PARVB: variants seen among roughly 807,000 people sequenced by gnomAD.
PARVB encodes the protein parvin beta.
A neutral mutation model predicts 47.0 loss-of-function variants in PARVB; 46 were observed. The observed-to-expected ratio is 0.98, with a 90% CI of 0.77 to 1.25. The LOEUF is 1.25. Ranked by LOEUF, PARVB falls within the 50% of genes most tolerant of loss-of-function variation. The probability of loss-of-function intolerance (pLI) is 0.00; values close to 1 mark genes in which losing one functional copy is unlikely to be tolerated. For synonymous variants in PARVB, 196 were observed against 196.3 expected (o/e 1.00, Z 0.01); for missense variants, 473 against 471.6 (o/e 1.00, Z -0.03).
At chr22:44,066,780 T>TCTTCTCCTCCTCCTCCTCCTTCTCCTC (rs752513022) in intron 1 of PARVB, among the ~76,000 whole-genome samples, 2 of 48,080 alleles carry the variant, frequency 4.2e-5, no homozygotes, top group Admixed American at 2.2e-4. Context: ...CTTAATTATT[T>TCTTCTCCTCCTCCTCCTCCTTCTCCTC]CTCCTCCTCC....
chr22:44,137,083 A>G (rs1260381037), intron 7 of PARVB, among the ~76,000 whole-genome samples: 1 of 152,264 alleles, frequency 6.6e-6, no homozygotes, highest in Non-Finnish European at 1.5e-5. Flanking sequence ...AATTCACTGC[A>G]TTTGTGCCTC....
chr22:44,137,600 C>T (rs898143652), intron 7 of PARVB, among the ~76,000 whole-genome samples: 55 of 152,152 alleles, frequency 3.6e-4, no homozygotes, highest in African/African-American at 1.2e-3. Flanking sequence ...CTCAGCTGGG[C>T]GGTTGTTCAG....
chr22:44,091,295 T>TTTTTG (rs1555901702), intron 1 of PARVB, among the ~76,000 whole-genome samples: 2 of 141,794 alleles, frequency 1.4e-5, no homozygotes, highest in Admixed American at 7.0e-5. Context: ...TTTTTTTTTT[T>TTTTTG]GCTATTTAAA....
intron 2 of PARVB, among the ~76,000 whole-genome samples, chr22:44,008,787 C>A (rs2050493357): frequency 6.6e-6 from 1 of 151,732 alleles, no homozygotes; most frequent in African/African-American, 2.4e-5. Flanking sequence ...AAATCGAGAT[C>A]ATCATGGCTA....
At chr22:44,044,382 G>C (rs1182301034) in intron 1 of PARVB, among the ~76,000 whole-genome samples, 1 of 152,100 alleles carries the variant, frequency 6.6e-6, no homozygotes, top group Non-Finnish European at 1.5e-5. Flanking sequence ...AGTAGAGACA[G>C]GGTTTCACCG....
chr22:44,157,180 G>C lies in PARVB; in HGVS notation c.844-802G>C, dbSNP rs116324506. Among the ~76,000 whole-genome samples, 1,221 of 152,322 alleles carry C rather than the reference G, an allele frequency of 8.0e-3. 14 individuals are homozygous for C. Among genetic ancestry groups the C allele is most frequent in the African/African-American group, 0.028 (1,147 of 41,578 alleles). Reference sequence around the variant, plus strand: ...TGGGGCCACAGTCACTGTGGTCTCTGCTGCAAGACAGAGTGGTGAGGGCCA... The same window carrying C: ...TGGGGCCACAGTCACTGTGGTCTCTCCTGCAAGACAGAGTGGTGAGGGCCA... On this transcript the variant is annotated intron_variant, in intron 10 of 12. Transcript: ENST00000338758.
intron 12 of PARVB, 32 bp downstream of exon 12, chr22:44,163,962 A>G (rs139081): frequency 0.41 from 639,940 of 1,565,254 alleles, 132,424 homozygotes; most frequent in African/African-American, 0.53. Flanking sequence ...CCCCCGGGAG[A>G]GGTGCGCACG....
At chr22:44,120,919 C>G (rs1305649856) in intron 4 of PARVB, among the ~76,000 whole-genome samples, 3 of 151,974 alleles carry the variant, frequency 2.0e-5, no homozygotes, top group African/African-American at 7.3e-5. Flanking sequence ...TCTCAGCTCA[C>G]TGCAACCTCC....
At chr22:44,095,952 G>C (rs537224772) in intron 2 of PARVB, among the ~76,000 whole-genome samples, 8 of 152,154 alleles carry the variant, frequency 5.3e-5, no homozygotes, top group Admixed American at 3.3e-4. Context: ...CACCAGGCTC[G>C]GTGGCTCAGG....
At chr22:44,133,046 C>T (rs376311663) in intron 6 of PARVB, 37 bp downstream of exon 6, 79 of 1,432,252 alleles carry the variant, frequency 5.5e-5, no homozygotes, top group Admixed American at 1.4e-4. Context: ...CCTGTAACTC[C>T]GCCAGAGAGG....
Position 44,155,604 on chromosome 22 carries a change from A to T in PARVB, c.844-2378A>T, listed in dbSNP as rs1399374884. Among the ~76,000 whole-genome samples, 3 of 152,122 alleles carry T rather than the reference A, an allele frequency of 2.0e-5. No individual in the cohort carries two copies. The highest frequency in any genetic ancestry group is 7.2e-5 in the African/African-American group (3 of 41,418). ...GAGGTGTGGGTTGGTGCCTTCATTC[A>T]CGTGGCAGCTTCCATTCCCTGGAAG... On this transcript the variant is annotated intron_variant, in intron 10 of 12. Transcript: ENST00000338758. The surrounding 1 kb of genome is among the most constrained non-coding windows in gnomAD (Gnocchi z 4.8).
chr22:44,157,926 A>G, intron 10 of PARVB, 56 bp from the exon 11 acceptor site: 3 of 1,295,264 alleles, frequency 2.3e-6, no homozygotes, highest in Non-Finnish European at 3.4e-6. Context: ...AAGTTTGTGC[A>G]AAGCATTTGC....
intron 1 of PARVB, among the ~76,000 whole-genome samples, chr22:44,035,034 A>G (rs1018798): frequency 0.4 from 61,197 of 151,988 alleles, 13,130 homozygotes; most frequent in East Asian, 0.56. Context: ...TTTGACTCCC[A>G]CAAAACTTAA....
intron 8 of PARVB, chr22:44,146,273 ACAC>A (rs1449731072): frequency 7.0e-6 from 1 of 142,694 alleles, no homozygotes; most frequent in Non-Finnish European, 1.5e-5. Flanking sequence ...CACAGCACAC[ACAC>A]ATGTTCACAC....
At chr22:44,097,212 A>T (rs1286140179) in intron 2 of PARVB, among the ~76,000 whole-genome samples, 3 of 152,188 alleles carry the variant, frequency 2.0e-5, no homozygotes, top group Non-Finnish European at 4.4e-5. Flanking sequence ...GAGTCCCTGG[A>T]GTCCTGTTCC....
Position 44,168,750 on chromosome 22 carries a change from C to G in PARVB, c.*72C>G. 3 of 1,053,998 alleles carry G rather than the reference C, an allele frequency of 2.8e-6. No individual in the cohort carries two copies. The highest frequency in any genetic ancestry group is 4.4e-6 in the Non-Finnish European group (3 of 674,406). 65.3% of individuals were successfully genotyped at this position (1,053,998 alleles called of 1,614,324 possible). A position where few individuals can be genotyped will look rare whatever the true frequency, so the allele number is the denominator to read the frequency against. ...GCATCCGTCTGTGCCCTGTGCCTTT[C>G]CAGGGAGCCAGGCGCCATGGGCTTC... On this transcript the variant is annotated 3_prime_UTR_variant, in exon 13 of 13. Coordinates refer to ENST00000338758, the MANE Select transcript of PARVB (RefSeq NM_013327.5).
intron 1 of PARVB, among the ~76,000 whole-genome samples, chr22:44,051,585 G>A (rs1298240912): frequency 6.6e-6 from 1 of 152,186 alleles, no homozygotes; most frequent in Non-Finnish European, 1.5e-5. Flanking sequence ...TGTTGTCGGC[G>A]CTGTGTGTAA....
In PARVB at chr22:44,081,771, A is replaced by C. The variant is rs558611329; in HGVS notation, c.113-12157A>C. 164 of 227,450 alleles carry C rather than the reference A, an allele frequency of 7.2e-4. 1 individual carries two copies. The South Asian group carries it at 0.012, about 16-fold the overall frequency. 14.1% of individuals were successfully genotyped at this position (227,450 alleles called of 1,614,324 possible). A position where few individuals can be genotyped will look rare whatever the true frequency, so the allele number is the denominator to read the frequency against. The stretch of plus-strand genomic sequence containing the variant: ...CTCGGAGGGGCGGTGACGGTGACAC[A>C]CGCCAGGGGAAAGGTTGGCATCCTC... On this transcript the variant is annotated intron_variant, in intron 1 of 12. Coordinates refer to ENST00000338758, the MANE Select transcript of PARVB (RefSeq NM_013327.5).
intron 1 of PARVB, among the ~76,000 whole-genome samples, chr22:44,051,979 A>G (rs1377466593): frequency 6.6e-6 from 1 of 152,146 alleles, no homozygotes; most frequent in Non-Finnish European, 1.5e-5. Flanking sequence ...AACTGGGAAG[A>G]GGCCAGGACG....
Sources: allele counts gnomAD v4.1 joint callset (sites outside exome capture counted in the v4.1 genomes callset), GRCh38; gene constraint gnomAD v4.1.1; non-coding constraint Gnocchi (gnomAD v3.1); transcripts MANE v1.5; gene names NCBI Gene and HGNC (gene_info 2026-07-23, HGNC 2026-07-21).